Variants in ADPGK observed in about 807,000 individuals in gnomAD.
ADPGK encodes ADP-dependent glucokinase.
ADPGK carries 26 observed loss-of-function variants against 42.4 expected under a neutral mutation model. The observed-to-expected ratio is 0.61, with a 90% confidence interval of 0.45 to 0.85. The LOEUF (loss-of-function observed/expected upper bound fraction) is 0.85, where lower values mean the gene tolerates loss of function less well. Among genes scored for constraint, ADPGK ranks in the 40% least tolerant of loss-of-function variants. The pLI is 0.00. For synonymous variants in ADPGK, 267 were observed against 252.6 expected, an observed-to-expected ratio of 1.06 and a Z score of -0.54; for missense variants, 571 against 627.0, an observed-to-expected ratio of 0.91 and a Z score of 0.95.
intron 6 of ADPGK, 68 bp from the exon 7 acceptor site, chr15:72,752,963 A>G: frequency 6.2e-6 from 9 of 1,453,006 alleles, no homozygotes; most frequent in Non-Finnish European, 8.3e-6. Flanking sequence ...CTTATGACAC[A>G]GCCAGTGACT....
chr15:72,758,504 G>T (rs925711501), intron 4 of ADPGK: 44 of 315,834 alleles, frequency 1.4e-4, no homozygotes, highest in African/African-American at 9.5e-4. Flanking sequence ...TTTCTGTTGA[G>T]AGAGCTGAGC....
chr15:72,758,087 A>G (rs2066139467), intron 4 of ADPGK: 5 of 1,612,308 alleles, frequency 3.1e-6, no homozygotes, highest in Non-Finnish European at 4.2e-6. Flanking sequence ...CTTCCTCTGG[A>G]GCTCCTTGCT....
At chr15:72,758,176 C>G in intron 4 of ADPGK, 1 of 1,554,758 alleles carries the variant, frequency 6.4e-7, no homozygotes, top group Non-Finnish European at 8.9e-7. Flanking sequence ...CAAACACCTC[C>G]AGCATATTCA....
intron 3 of ADPGK, 42 bp from the exon 4 acceptor site, chr15:72,760,569 T>G: frequency 6.4e-7 from 1 of 1,571,978 alleles, no homozygotes; most frequent in Non-Finnish European, 8.7e-7. Context: ...GCCCCGTTCC[T>G]TTCCCCACAG....
In ADPGK at chr15:72,783,661, C is replaced by T. The variant is rs1184694885; in HGVS notation, c.31G>A (p.Gly11Ser). 4.0e-6 allele frequency: 6 copies of T among 1,506,586 alleles called. No homozygotes were observed. Among genetic ancestry groups the T allele is most frequent in the African/African-American group, 2.9e-5 (2 of 69,228 alleles). The allele number at this position is 1,506,586 out of a possible 1,614,324, so 93.3% of individuals were successfully genotyped here. A position where few individuals can be genotyped will look rare whatever the true frequency, so the allele number is the denominator to read the frequency against. The change falls in exon 1 of 7, where the codon GGC becomes AGC. Residue 11 changes from glycine (G) to serine (S), a missense_variant. By Grantham distance (56) the Gly-to-Ser change is moderately conservative. This residue lies in a region of ADPGK where 137 missense variants were observed against 104.2 expected (regional missense o/e 1.31). Coordinates refer to ENST00000456471, the MANE Select transcript of ADPGK (RefSeq NM_001365225.1). ...CAGCCCACGGCCAGCGCCAGGAAGC[C>T]CGCGTACGCGGAGCCGCGCCACAGC... Reference protein sequence around the residue: MALWRGSAYAGFLALAVGCVF... With the variant: MALWRGSAYASFLALAVGCVF...
intron 1 of ADPGK, among the ~76,000 whole-genome samples, chr15:72,779,806 T>A (rs1055471324): frequency 1.2e-4 from 18 of 152,302 alleles, no homozygotes; most frequent in African/African-American, 4.3e-4. Flanking sequence ...AAATTTGCAA[T>A]CCTGTTTCTC....
chr15:72,760,732 A>G (rs1263982473), intron 3 of ADPGK, among the ~76,000 whole-genome samples: 1 of 152,150 alleles, frequency 6.6e-6, no homozygotes, highest in Non-Finnish European at 1.5e-5. Context: ...GGGTATGGCC[A>G]TAATGTACCC....
intron 3 of ADPGK, among the ~76,000 whole-genome samples, chr15:72,768,020 C>A (rs1485980126): frequency 6.6e-6 from 1 of 151,864 alleles, no homozygotes; most frequent in South Asian, 2.1e-4. Flanking sequence ...AATTTATAAA[C>A]CTCTAGCCAA....
At chr15:72,757,050 C>T (rs2066124245) in intron 4 of ADPGK, 1 of 153,408 alleles carries the variant, frequency 6.5e-6, no homozygotes, top group Admixed American at 6.5e-5. Context: ...TGTTTAAAGA[C>T]CCAAGTTCAA....
rs2066217816 is a variant in ADPGK at position 72,763,272 on chromosome 15, C to T, written c.523-2745G>A. Among the ~76,000 whole-genome samples the T allele has an allele frequency of 2.6e-5, 4 of 151,888 alleles. No homozygotes were observed. The South Asian group carries it at 8.3e-4, about 32-fold the overall frequency. On this transcript the variant is annotated intron_variant, in intron 3 of 6. Coordinates refer to ENST00000456471, the MANE Select transcript of ADPGK (RefSeq NM_001365225.1). ...GTTTAAGTGATTCTCCTGCCTCAGA[C>T]TCCCAAGTAGCTGGGATTATGGACA... is the stretch of plus-strand genomic sequence containing the variant.
intron 4 of ADPGK, among the ~76,000 whole-genome samples, chr15:72,759,073 G>A (rs2066155260): frequency 6.6e-6 from 1 of 152,186 alleles, no homozygotes; most frequent in African/African-American, 2.4e-5. Context: ...GAGTAGCTGG[G>A]ATTATAGGCG....
At position 72,783,460 on chromosome 15, in the gene ADPGK, C is replaced by A; in HGVS notation, c.232G>T (p.Gly78Ter). 1 of 1,383,956 alleles carries A rather than the reference C, an allele frequency of 7.2e-7. No individual in the cohort carries two copies. Among genetic ancestry groups the A allele is most frequent in the Non-Finnish European group, 9.3e-7 (1 of 1,075,548 alleles). The allele number at this position is 1,383,956 out of a possible 1,614,324, so 85.7% of individuals were successfully genotyped here. ...GACCCAGGCCCCGTTGGCACTCACC[C>A]CACTGCCACGCGGCGCCAGCGCCGG... ...PVRRWRRVAV[G>*]VNACVDVVLS... Residue 78 changes from glycine to a stop codon, truncating the protein, a stop_gained and splice_region_variant, in exon 1 of 7, where the codon GGA (glycine) becomes TGA (stop). Coordinates refer to ENST00000456471, the MANE Select transcript of ADPGK (RefSeq NM_001365225.1). LOFTEE classifies it high-confidence loss of function.
intron 3 of ADPGK, among the ~76,000 whole-genome samples, chr15:72,767,148 A>G (rs1427157832): frequency 6.6e-6 from 1 of 152,196 alleles, no homozygotes; most frequent in Admixed American, 6.5e-5. Context: ...TGGCTATTTC[A>G]ATCAAAATAG....
At chr15:72,782,561 A>T (rs1379985945) in intron 1 of ADPGK, among the ~76,000 whole-genome samples, 1 of 143,950 alleles carries the variant, frequency 6.9e-6, no homozygotes, top group African/African-American at 2.5e-5. Flanking sequence ...CCAAAATTAT[A>T]GCTAATATCG....
At chr15:72,767,467 C>T (rs1179101117) in intron 3 of ADPGK, among the ~76,000 whole-genome samples, 1 of 151,518 alleles carries the variant, frequency 6.6e-6, no homozygotes, top group Non-Finnish European at 1.5e-5. Flanking sequence ...ACAGAACACT[C>T]GACCCAACAA....
intron 1 of ADPGK, among the ~76,000 whole-genome samples, chr15:72,777,481 C>G (rs1595805154): frequency 6.6e-6 from 1 of 152,032 alleles, no homozygotes; most frequent in East Asian, 1.9e-4. Context: ...AGTTTGAGAC[C>G]AGCCTGGCCA....
chr15:72,769,444 C>T (rs1448432714), intron 3 of ADPGK, among the ~76,000 whole-genome samples: 2 of 152,128 alleles, frequency 1.3e-5, no homozygotes, highest in African/African-American at 4.8e-5. Context: ...CTCCCGGGTT[C>T]GAGCGATTCT....
In ADPGK at chr15:72,774,735, C is replaced by T. The variant is rs953888418; in HGVS notation, c.459+137G>A. The T allele has an allele frequency of 2.3e-5, 16 of 691,174 alleles. No individual in the cohort carries two copies. In the African/African-American group the frequency reaches 2.9e-4, roughly 12 times the overall value. 42.8% of individuals were successfully genotyped at this position (691,174 alleles called of 1,614,324 possible). ...AAGTCTGAGAACCATCAACCTAGAC[C>T]CACAGTTTTCAACCAGGGGTGATTT... On this transcript the variant is annotated intron_variant, in intron 2 of 6. Coordinates refer to ENST00000456471, the MANE Select transcript of ADPGK (RefSeq NM_001365225.1).
At chr15:72,765,279 G>C (rs1391944640) in intron 3 of ADPGK, among the ~76,000 whole-genome samples, 1 of 152,124 alleles carries the variant, frequency 6.6e-6, no homozygotes, top group African/African-American at 2.4e-5. Context: ...CTCCTGAGTA[G>C]CTGGGATTAC....
Sources: gnomAD v4.1 joint callset for allele counts (sites outside exome capture counted in the v4.1 genomes callset) on GRCh38, gnomAD v4.1.1 for gene constraint, gnomAD v4.1.1 regional missense constraint, MANE v1.5 for transcripts, NCBI Gene and HGNC (gene_info 2026-07-23, HGNC 2026-07-21) for gene names.